PRDM5: variants seen among roughly 807,000 people sequenced by gnomAD.
The protein encoded by PRDM5 is PR domain zinc finger protein 5.
A neutral mutation model predicts 81.2 loss-of-function variants in PRDM5; 56 were observed. The observed-to-expected ratio is 0.69, with a 90% CI of 0.56 to 0.86. PRDM5 has a LOEUF of 0.86. PRDM5 is among the 40% of genes least tolerant of loss of function. PRDM5 has a pLI of 0.00. For missense variants in PRDM5, 697 were observed against 770.1 expected, an observed-to-expected ratio of 0.91 and a Z score of 1.12; for synonymous variants, 267 against 256.4, an observed-to-expected ratio of 1.04 and a Z score of -0.39.
chr4:120,766,408 G>A (rs1421060589), intron 13 of PRDM5, among the ~76,000 whole-genome samples: 3 of 152,146 alleles, frequency 2.0e-5, no homozygotes, highest in African/African-American at 7.2e-5. Context: ...GGATATAAAG[G>A]TGGCATTAAA....
intron 1 of PRDM5, among the ~76,000 whole-genome samples, chr4:120,912,740 T>C (rs766542483): frequency 6.6e-6 from 1 of 152,178 alleles, no homozygotes; most frequent in Non-Finnish European, 1.5e-5. Flanking sequence ...GAGGGGTGAA[T>C]TGTCACAACA....
chr4:120,887,872 A>G lies in PRDM5; in HGVS notation c.177+19602T>C, dbSNP rs1763621150. On this transcript the variant is annotated intron_variant, in intron 2 of 15. Coordinates refer to ENST00000264808, the MANE Select transcript of PRDM5 (RefSeq NM_018699.4). Reference sequence around the variant, plus strand: ...CAGTGGCGCAATCTCGGCTCACTGCAAGCTCCGCCTCCCGGGTTCACGCCA... The same window carrying G: ...CAGTGGCGCAATCTCGGCTCACTGCGAGCTCCGCCTCCCGGGTTCACGCCA... 3.7e-5 allele frequency among the ~76,000 whole-genome samples: 2 copies of G among 54,504 alleles called. 1 individual carries two copies. Among genetic ancestry groups the G allele is most frequent in the Non-Finnish European group, 6.2e-5 (2 of 32,160 alleles). 35.8% of individuals were successfully genotyped at this position (54,504 alleles called of 152,430 possible).
chr4:120,821,717 G>A lies in PRDM5; in HGVS notation c.301-372C>T, dbSNP rs149533939. 3.0e-3 allele frequency among the ~76,000 whole-genome samples: 454 copies of A among 149,596 alleles called. 4 individuals are homozygous for A. The highest frequency in any genetic ancestry group is 0.011 in the African/African-American group (442 of 40,576). On this transcript the variant is annotated intron_variant, in intron 3 of 15. Coordinates refer to ENST00000264808, the MANE Select transcript of PRDM5 (RefSeq NM_018699.4). ...AGAGCAATGAGATATCAATGATTTC[G>A]TTATTATTAACACTAACACAAAACT...
At chr4:120,833,140 G>T (rs528137268) in intron 3 of PRDM5, among the ~76,000 whole-genome samples, 1 of 152,278 alleles carries the variant, frequency 6.6e-6, no homozygotes, top group South Asian at 2.1e-4. Flanking sequence ...TGCTGTTTCA[G>T]TTACACTTGG....
chr4:120,690,290 A>G (rs570247476), downstream of PRDM5, among the ~76,000 whole-genome samples: 1 of 152,324 alleles, frequency 6.6e-6, no homozygotes, highest in African/African-American at 2.4e-5. Context: ...GTATTACTAT[A>G]CATGTGTCCA....
In PRDM5 at chr4:120,839,130, A is replaced by G. The variant is rs115182523; in HGVS notation, c.300+14288T>C. 2,274 of 664,850 alleles carry G rather than the reference A, an allele frequency of 3.4e-3. 38 individuals carry two copies. The African/African-American group carries it at 0.037, about 11-fold the overall frequency. The allele number at this position is 664,850 out of a possible 1,614,324, so 41.2% of individuals were successfully genotyped here. ...AAGGAGTCACAGCCCTGGCTTGGGG[A>G]GCTCCCAGGTCTGGGATCCCTGAAA... On this transcript the variant is annotated intron_variant, in intron 3 of 15. Transcript: ENST00000264808.
At position 120,695,050 on chromosome 4, in the gene PRDM5, T is replaced by C. The variant is rs1734356726; in HGVS notation, c.*61A>G. The C allele has an allele frequency of 6.4e-7, 1 of 1,557,800 alleles. No homozygotes were observed. Among genetic ancestry groups the C allele is most frequent in the Non-Finnish European group, 8.8e-7 (1 of 1,130,504 alleles). On this transcript the variant is annotated 3_prime_UTR_variant, in exon 16 of 16. Transcript: ENST00000264808. ...TACTTCTGTTATGCTGATCAGGTGA[T>C]AAAAATCTGGGATTCATATTAGGAG...
chr4:120,707,385 T>C (rs1008979008), intron 15 of PRDM5, among the ~76,000 whole-genome samples: 9 of 151,634 alleles, frequency 5.9e-5, no homozygotes, highest in Non-Finnish European at 1.3e-4. Context: ...CAACATCCTC[T>C]CTTGATTAAA....
At chr4:120,880,962 C>T (rs1290335249) in intron 2 of PRDM5, among the ~76,000 whole-genome samples, 1 of 152,158 alleles carries the variant, frequency 6.6e-6, no homozygotes, top group Non-Finnish European at 1.5e-5. Flanking sequence ...CAACACTAAG[C>T]TTACCATTAT....
Position 120,700,921 on chromosome 4 carries a change from T to A in PRDM5, c.1729-5646A>T, listed in dbSNP as rs558405494. Among the ~76,000 whole-genome samples, 4 of 152,202 alleles carry A rather than the reference T, an allele frequency of 2.6e-5. No homozygotes were observed. The South Asian group carries it at 8.3e-4, about 32-fold the overall frequency. On this transcript the variant is annotated intron_variant, in intron 15 of 15. Coordinates refer to ENST00000264808, the MANE Select transcript of PRDM5 (RefSeq NM_018699.4). ...GGGCGGATCACCTGACGTTAGGAGA[T>A]CGAGACCAGCCTGACCAATATGGAG...
intron 14 of PRDM5, among the ~76,000 whole-genome samples, chr4:120,737,237 G>A (rs1741244965): frequency 6.6e-6 from 1 of 152,162 alleles, no homozygotes; most frequent in Non-Finnish European, 1.5e-5. Flanking sequence ...AGGCAACCAG[G>A]GAAGGCCGGG....
chr4:120,859,703 A>T (rs527703135), intron 2 of PRDM5, among the ~76,000 whole-genome samples: 184 of 152,308 alleles, frequency 1.2e-3, no homozygotes, highest in African/African-American at 4.2e-3. Flanking sequence ...TCTTATGCCA[A>T]ACTGAAACAC....
At chr4:120,825,511 A>G (rs367651477) in intron 3 of PRDM5, among the ~76,000 whole-genome samples, 4 of 151,752 alleles carry the variant, frequency 2.6e-5, no homozygotes, top group East Asian at 1.9e-4. Flanking sequence ...TATACAATCT[A>G]TCAGGAAATG....
chr4:120,755,461 G>C (rs560607177), intron 13 of PRDM5, among the ~76,000 whole-genome samples: 17 of 152,174 alleles, frequency 1.1e-4, no homozygotes, highest in Non-Finnish European at 2.1e-4. Flanking sequence ...TGCAATCAAA[G>C]ATCAATATAA....
chr4:120,731,362 GTCT>G (rs1163932036), intron 14 of PRDM5, among the ~76,000 whole-genome samples: 2 of 149,616 alleles, frequency 1.3e-5, no homozygotes, highest in Admixed American at 1.4e-4. Context: ...TTAAACAGAG[GTCT>G]TCTTTTTTTT....
intron 13 of PRDM5, among the ~76,000 whole-genome samples, chr4:120,775,665 C>T (rs1748045893): frequency 6.6e-6 from 1 of 152,016 alleles, no homozygotes; most frequent in Admixed American, 6.6e-5. Context: ...TCTCTACTTG[C>T]CCTCCTCTCA....
intron 2 of PRDM5, among the ~76,000 whole-genome samples, chr4:120,865,401 A>G (rs1297989300): frequency 6.6e-6 from 1 of 152,182 alleles, no homozygotes; most frequent in African/African-American, 2.4e-5. Flanking sequence ...CCTTGATATC[A>G]ATCCTGCTCC....
At chr4:120,872,967 GA>G (rs1262266802) in intron 2 of PRDM5, among the ~76,000 whole-genome samples, 1 of 151,952 alleles carries the variant, frequency 6.6e-6, no homozygotes, top group African/African-American at 2.4e-5. Flanking sequence ...GGACAGTTAA[GA>G]TGGTAAATTT....
chr4:120,832,793 C>G (rs748322711), intron 3 of PRDM5, among the ~76,000 whole-genome samples: 16 of 152,084 alleles, frequency 1.1e-4, no homozygotes, highest in Admixed American at 3.3e-4. Context: ...ATTTCCTATT[C>G]TCAACAAATT....
Sources: allele counts gnomAD v4.1 joint callset (sites outside exome capture counted in the v4.1 genomes callset), GRCh38; gene constraint gnomAD v4.1.1; transcripts MANE v1.5; gene names NCBI Gene and HGNC (gene_info 2026-07-23, HGNC 2026-07-21).